The following VOPP1 variants were observed in gnomAD, a reference collection of about 807,000 sequenced individuals.
VOPP1 encodes WW domain binding protein VOPP1.
A neutral mutation model predicts 23.5 loss-of-function variants in VOPP1; 8 were observed. The ratio of observed to expected loss-of-function variants is 0.34; its 90% CI spans 0.20 to 0.61. VOPP1 has a LOEUF of 0.61. Among genes scored for constraint, VOPP1 ranks in the 20% least tolerant of loss-of-function variants. VOPP1 has a pLI of 0.78. For missense variants in VOPP1, 174 were observed against 238.1 expected, an observed-to-expected ratio of 0.73 and a Z score of 1.77; for synonymous variants, 83 against 97.3, an observed-to-expected ratio of 0.85 and a Z score of 0.86.
intron 4 of VOPP1, among the ~76,000 whole-genome samples, chr7:55,459,671 T>C (rs965100876): frequency 6.6e-6 from 1 of 152,190 alleles, no homozygotes; most frequent in African/African-American, 2.4e-5. Context: ...TTGTTCATAG[T>C]AATCTCTGAT....
chr7:55,547,397 G>C (rs1797413368), intron 1 of VOPP1, among the ~76,000 whole-genome samples: 1 of 152,172 alleles, frequency 6.6e-6, no homozygotes, highest in African/African-American at 2.4e-5. Flanking sequence ...ACCAAGGCTG[G>C]GAGTGAAATT....
chr7:55,470,108 T>C (rs1791736389), downstream of VOPP1, among the ~76,000 whole-genome samples: 1 of 152,228 alleles, frequency 6.6e-6, no homozygotes, highest in South Asian at 2.1e-4. Context: ...CAATTAGTGA[T>C]ACATCTAAAA....
rs192890890 is a variant in VOPP1, at chr7:55,496,979, T to C, written c.191+634A>G. On this transcript the variant is annotated intron_variant, in intron 3 of 4. Transcript: ENST00000285279. The stretch of plus-strand genomic sequence containing the variant: ...TCTGCCACCCTCTCATCTGAAGCAA[T>C]ACCTGTCATCTCCAGAGTCTAACAG... Among the ~76,000 whole-genome samples the C allele has an allele frequency of 9.2e-5, 14 of 152,338 alleles. No individual in the cohort carries two copies. In the East Asian group the frequency reaches 2.7e-3, roughly 29 times the overall value.
At chr7:55,488,642 A>G (rs150637653) in intron 4 of VOPP1, among the ~76,000 whole-genome samples, 18 of 152,114 alleles carry the variant, frequency 1.2e-4, no homozygotes, top group Non-Finnish European at 2.4e-4. Context: ...CAGGAGCGCC[A>G]TGCGAGCCCC....
At chr7:55,507,246 T>TGCTGGCTGGGACACACTCCTCA (rs1431531953) in intron 2 of VOPP1, among the ~76,000 whole-genome samples, 1 of 152,156 alleles carries the variant, frequency 6.6e-6, no homozygotes, top group Non-Finnish European at 1.5e-5. Flanking sequence ...CACCCGTGCC[T>TGCTGGCTGGGACACACTCCTCA]GCTGGCTGGG....
At chr7:55,565,801 A>G (rs895059243) in intron 1 of VOPP1, among the ~76,000 whole-genome samples, 19 of 152,192 alleles carry the variant, frequency 1.2e-4, no homozygotes, top group African/African-American at 4.6e-4. Flanking sequence ...CTGCTTAATG[A>G]CAAGGGCCAA....
At chr7:55,495,980 C>T (rs1248612145) in intron 3 of VOPP1, among the ~76,000 whole-genome samples, 2 of 152,208 alleles carry the variant, frequency 1.3e-5, no homozygotes, top group African/African-American at 2.4e-5. Flanking sequence ...TGTGCTGCCT[C>T]GCCAAGGTGT....
At chr7:55,497,524 G>A (rs1794038997) in intron 3 of VOPP1, 89 bp downstream of exon 3, 4 of 1,194,764 alleles carry the variant, frequency 3.3e-6, no homozygotes, top group Admixed American at 1.8e-5. Context: ...CCAAGTGAAG[G>A]TGTCGCATCC....
In VOPP1 at chr7:55,496,319, C is replaced by T. The variant is rs571836884; in HGVS notation, c.191+1294G>A. On this transcript the variant is annotated intron_variant, in intron 3 of 4. Coordinates refer to ENST00000285279, the MANE Select transcript of VOPP1 (RefSeq NM_030796.5). ...CCCAGGAGGAGGCTCCGGAGCAAGG[C>T]CTGCCCTGAAGCTGGGTCTTGCCCC... Among the ~76,000 whole-genome samples, 988 of 152,226 alleles carry T rather than the reference C, an allele frequency of 6.5e-3. 15 individuals are homozygous for T. Among genetic ancestry groups the T allele is most frequent in the South Asian group, 0.023 (112 of 4,828 alleles).
chr7:55,504,964 C>T (rs552157710), intron 2 of VOPP1, among the ~76,000 whole-genome samples: 9 of 152,288 alleles, frequency 5.9e-5, no homozygotes, highest in South Asian at 2.1e-4. Context: ...TCATGCTGTA[C>T]GGATGCAGTA....
At chr7:55,514,231 T>C (rs976435445) in intron 2 of VOPP1, among the ~76,000 whole-genome samples, 1 of 152,236 alleles carries the variant, frequency 6.6e-6, no homozygotes, top group African/African-American at 2.4e-5. Context: ...TTGTCTCTGC[T>C]ACAACACACA....
At position 55,494,305 on chromosome 7, in the gene VOPP1, T is replaced by C. The variant is rs181747017; in HGVS notation, c.192-1887A>G. Among the ~76,000 whole-genome samples, 24 of 152,298 alleles carry C rather than the reference T, an allele frequency of 1.6e-4. No homozygotes were observed. In the East Asian group the frequency reaches 4.2e-3, roughly 27 times the overall value. ...TGCTGTTAGTATCTGGGTAGAAATA[T>C]ACAAAGCACAGAGAGGCTGGATGTG... On this transcript the variant is annotated intron_variant, in intron 3 of 4. Transcript: ENST00000285279.
chr7:55,519,785 G>C (rs1327350059), intron 2 of VOPP1, among the ~76,000 whole-genome samples: 1 of 152,168 alleles, frequency 6.6e-6, no homozygotes, highest in African/African-American at 2.4e-5. Flanking sequence ...TGCTTTACCC[G>C]CACTCACAGA....
At chr7:55,466,783 G>A (rs1791641804), downstream of VOPP1, among the ~76,000 whole-genome samples, 1 of 152,186 alleles carries the variant, frequency 6.6e-6, no homozygotes, top group Non-Finnish European at 1.5e-5. Context: ...GTGAGCCACT[G>A]TGCCTGGCCC....
chr7:55,468,040 G>A (rs903829071), downstream of VOPP1, among the ~76,000 whole-genome samples: 6 of 152,172 alleles, frequency 3.9e-5, no homozygotes, highest in African/African-American at 9.6e-5. Flanking sequence ...TTGGGAGGCC[G>A]AGGCGGGCGG....
intron 4 of VOPP1, among the ~76,000 whole-genome samples, chr7:55,462,845 A>G (rs1292695119): frequency 6.8e-6 from 1 of 147,954 alleles, no homozygotes; most frequent in East Asian, 1.9e-4. Context: ...TTTAGTAGAG[A>G]CGGGGTTTCA....
At chr7:55,521,424 T>C (rs369948812) in intron 1 of VOPP1, among the ~76,000 whole-genome samples, 4 of 152,246 alleles carry the variant, frequency 2.6e-5, no homozygotes, top group South Asian at 2.1e-4. Context: ...AAAATGTACT[T>C]GGTATGATAC....
At chr7:55,510,570 C>CT (rs34545604) in intron 2 of VOPP1, among the ~76,000 whole-genome samples, 27,556 of 119,676 alleles carry the variant, frequency 0.23, 3,428 homozygotes, top group African/African-American at 0.35. Context: ...AGGGCACTGG[C>CT]TTTTTTTTTT....
chr7:55,552,556 G>C (rs1797653377), intron 1 of VOPP1: 2 of 1,524,074 alleles, frequency 1.3e-6, no homozygotes, highest in African/African-American at 1.4e-5. Flanking sequence ...TTTTCCCAGG[G>C]TGACAAATGA....
Sources: allele counts gnomAD v4.1 joint callset (sites outside exome capture counted in the v4.1 genomes callset), GRCh38; gene constraint gnomAD v4.1.1; transcripts MANE v1.5; gene names NCBI Gene and HGNC (gene_info 2026-07-23, HGNC 2026-07-21).